The following GSE1 variants were observed in gnomAD, a reference collection of about 807,000 sequenced individuals.
GSE1 encodes Gse1 coiled-coil protein, also known as genetic suppressor element 1.
Under a neutral mutation model 112.6 loss-of-function variants are expected in GSE1, and 32 were observed. The ratio of observed to expected loss-of-function variants is 0.28; its 90% CI spans 0.21 to 0.38. The LOEUF is 0.38. Among genes scored for constraint, GSE1 ranks in the 10% least tolerant of loss-of-function variants. GSE1 has a pLI of 1.00. For synonymous variants in GSE1, 1,115 were observed against 735.6 expected (o/e 1.52, Z -8.35); for missense variants, 2,348 against 1,699.2 (o/e 1.38, Z -6.71).
intron 1 of GSE1, among the ~76,000 whole-genome samples, chr16:85,570,878 G>T (rs2045954124): frequency 6.6e-6 from 1 of 152,218 alleles, no homozygotes; most frequent in Non-Finnish European, 1.5e-5. Flanking sequence ...CCAAGTTTCT[G>T]GGGGTTGGAA....
At chr16:85,618,075 G>C (rs951148710) in intron 1 of GSE1, among the ~76,000 whole-genome samples, 4 of 152,156 alleles carry the variant, frequency 2.6e-5, no homozygotes, top group African/African-American at 9.7e-5. Flanking sequence ...CCACTGGCAT[G>C]GGTGGATTCG....
At chr16:85,630,178 A>G (rs2049424545) in intron 1 of GSE1, among the ~76,000 whole-genome samples, 1 of 152,064 alleles carries the variant, frequency 6.6e-6, no homozygotes, top group African/African-American at 2.4e-5. Context: ...ACCCCCCTCC[A>G]CTGGAGTGAC....
rs3751722 is a variant in GSE1, at chr16:85,656,329, T to A, written c.990-14T>A. On this transcript the variant is annotated splice_polypyrimidine_tract_variant and intron_variant, in intron 6 of 15. Coordinates refer to ENST00000253458, the MANE Select transcript of GSE1 (RefSeq NM_014615.5). ...TGGTGCAGCAGAGCCCCCAACTCTT[T>A]CCATGTGCTGCAGGCTGCAGATGGA... The A allele has an allele frequency of 5.6e-6, 9 of 1,609,828 alleles. No individual in the cohort carries two copies. Among genetic ancestry groups the A allele is most frequent in the Non-Finnish European group, 7.6e-6 (9 of 1,178,522 alleles).
At chr16:85,270,457 G>A (rs776426958) in intron 1 of GSE1, among the ~76,000 whole-genome samples, 1 of 148,940 alleles carries the variant, frequency 6.7e-6, no homozygotes, top group Admixed American at 6.7e-5. Flanking sequence ...GTAGACATTC[G>A]GCACAGCAAG....
At chr16:85,555,908 TCTCG>T, upstream of GSE1, 1 of 917,448 alleles carries the variant, frequency 1.1e-6, no homozygotes, top group South Asian at 5.1e-5. Context: ...TTTATTTTTC[TCTCG>T]CTCCTCTTCC....
chr16:85,489,665 C>A (rs1161865361), intron 2 of GSE1: 1 of 151,248 alleles, frequency 6.6e-6, no homozygotes, highest in Non-Finnish European at 1.5e-5. Flanking sequence ...CCCAGCTGAA[C>A]CCCCAGTGTG....
At chr16:85,262,233 G>A (rs1448469685) in intron 1 of GSE1, among the ~76,000 whole-genome samples, 1 of 152,230 alleles carries the variant, frequency 6.6e-6, no homozygotes, top group Non-Finnish European at 1.5e-5. Context: ...CTCAGAGAGT[G>A]TCAGAGGCAA....
intron 1 of GSE1, among the ~76,000 whole-genome samples, chr16:85,198,342 A>G (rs1041747767): frequency 1.3e-5 from 2 of 152,206 alleles, no homozygotes; most frequent in Non-Finnish European, 2.9e-5. Context: ...CTGGCAAAGT[A>G]CACTGAGACA....
intron 2 of GSE1, among the ~76,000 whole-genome samples, chr16:85,546,546 A>T (rs1461025075): frequency 2.0e-5 from 3 of 152,240 alleles, no homozygotes; most frequent in Non-Finnish European, 4.4e-5. Context: ...TGCCCTGAGC[A>T]TCATTTGGGG....
chr16:85,382,801 CACACACTCAT>C (rs1002888962), intron 2 of GSE1, among the ~76,000 whole-genome samples: 1 of 136,774 alleles, frequency 7.3e-6, no homozygotes, highest in Non-Finnish European at 1.5e-5. Context: ...AACACATGCA[CACACACTCAT>C]ACACACATGC....
intron 1 of GSE1, among the ~76,000 whole-genome samples, chr16:85,591,073 G>C (rs1215465748): frequency 6.6e-6 from 1 of 152,214 alleles, no homozygotes; most frequent in Non-Finnish European, 1.5e-5. Context: ...ACTCTTGTTC[G>C]TGTGGGAAGA....
chr16:85,474,574 C>G (rs1332653304), intron 2 of GSE1, among the ~76,000 whole-genome samples: 2 of 152,156 alleles, frequency 1.3e-5, no homozygotes, highest in Non-Finnish European at 1.5e-5. Flanking sequence ...ACGTGCTTGC[C>G]TGGGCTGTGT....
At chr16:85,632,532 A>AG (rs1210871443) in intron 1 of GSE1, among the ~76,000 whole-genome samples, 3 of 152,074 alleles carry the variant, frequency 2.0e-5, no homozygotes, top group Admixed American at 6.5e-5. Context: ...GGAGGTCTTG[A>AG]GGGGGTCCTC....
chr16:85,416,269 C>A (rs1463062254), intron 2 of GSE1, among the ~76,000 whole-genome samples: 1 of 152,220 alleles, frequency 6.6e-6, no homozygotes, highest in African/African-American at 2.4e-5. Flanking sequence ...CTCTTGGAAC[C>A]CGGCTCGCCA....
intron 1 of GSE1, among the ~76,000 whole-genome samples, chr16:85,344,672 C>T (rs937767607): frequency 6.6e-6 from 1 of 152,242 alleles, no homozygotes; most frequent in Non-Finnish European, 1.5e-5. Context: ...TTCCATTTCA[C>T]AGATGGGGTA....
At chr16:85,300,134 C>T (rs1297361693) in intron 1 of GSE1, among the ~76,000 whole-genome samples, 2 of 152,014 alleles carry the variant, frequency 1.3e-5, no homozygotes, top group Non-Finnish European at 1.5e-5. Flanking sequence ...GCCTCAGCCT[C>T]CCGAGTAGCT....
intron 1 of GSE1, among the ~76,000 whole-genome samples, chr16:85,224,576 A>G (rs563690923): frequency 6.6e-6 from 1 of 152,232 alleles, no homozygotes; most frequent in African/African-American, 2.4e-5. Flanking sequence ...TTGAGCATCT[A>G]CTATGTGCCG....
Position 85,415,244 on chromosome 16 carries a change from C to T in GSE1, c.2464+57601C>T, listed in dbSNP as rs561810927. Among the ~76,000 whole-genome samples the T allele has an allele frequency of 7.1e-4, 108 of 152,300 alleles. No individual in the cohort carries two copies. The Middle Eastern group carries it at 0.01, about 14-fold the overall frequency. On this transcript the variant is annotated intron_variant, in intron 2 of 2. Coordinates refer to the GSE1 transcript ENST00000637419. ...TGTGAGCCACTGTGTCTGGCCAGGA[C>T]TTAATTTTATATTTGTGTACCTTGT...
At position 85,648,618 on chromosome 16, in the gene GSE1, G is replaced by T. The variant is rs1221626195; in HGVS notation, c.293G>T (p.Ser98Ile). The T allele has an allele frequency of 6.2e-7, 1 of 1,606,788 alleles. No homozygotes were observed. The highest frequency in any genetic ancestry group is 1.3e-5 in the African/African-American group (1 of 74,760). ...GCCACCAACCACAGCTCCCCCGCCA[G>T]CACACCCAAGCGCGTGCCCATGGGC... ...SPATNHSSPA[S>I]TPKRVPMGPI... The change falls in exon 3 of 16, where the codon AGC (serine) becomes ATC (isoleucine). Residue 98 changes from serine (S) to isoleucine (I), a missense_variant. Ser to Ile is a moderately radical substitution (Grantham distance 142). Transcript: ENST00000253458.
Sources: gnomAD v4.1 joint callset for allele counts (sites outside exome capture counted in the v4.1 genomes callset) on GRCh38, gnomAD v4.1.1 for gene constraint, MANE v1.5 for transcripts, NCBI Gene and HGNC (gene_info 2026-07-23, HGNC 2026-07-21) for gene names.